The following SBK1 variants were observed in gnomAD, a reference collection of about 807,000 sequenced individuals.
SBK1 encodes SH3 domain binding kinase 1.
Under a neutral mutation model 24.4 loss-of-function variants are expected in SBK1, and 11 were observed. The observed-to-expected ratio is 0.45, with a 90% CI of 0.28 to 0.75. The LOEUF is 0.75. Ranked by LOEUF, SBK1 falls within the 30% of genes least tolerant of loss-of-function variation. The pLI, the probability that SBK1 is intolerant of heterozygous loss-of-function variation, is 0.12. For synonymous variants in SBK1, 308 were observed against 284.4 expected, an observed-to-expected ratio of 1.08 and a Z score of -0.83; for missense variants, 467 against 620.5, an observed-to-expected ratio of 0.75 and a Z score of 2.63.
intron 1 of SBK1, among the ~76,000 whole-genome samples, chr16:28,261,629 CAA>C (rs2044398535): frequency 1.3e-5 from 2 of 151,892 alleles, no homozygotes; most frequent in South Asian, 4.2e-4. Flanking sequence ...GACCCTGTCT[CAA>C]AAAAGAGAAA....
intron 1 of SBK1, among the ~76,000 whole-genome samples, chr16:28,277,179 C>G (rs1052149892): frequency 1.1e-4 from 16 of 151,950 alleles, no homozygotes; most frequent in Non-Finnish European, 1.8e-4. Context: ...TGAGAGGCTG[C>G]TGGAGGCTGC....
intron 1 of SBK1, among the ~76,000 whole-genome samples, chr16:28,276,664 GTATT>G (rs1225763084): frequency 8.2e-5 from 11 of 134,220 alleles, no homozygotes; most frequent in Non-Finnish European, 7.9e-5. Flanking sequence ...ATTTATTTAT[GTATT>G]TATTTATTTA....
chr16:28,262,817 C>T (rs1188456885), intron 1 of SBK1, among the ~76,000 whole-genome samples: 1 of 152,152 alleles, frequency 6.6e-6, no homozygotes, highest in East Asian at 1.9e-4. Context: ...AATAAATAAG[C>T]TTGGCAATCG....
intron 1 of SBK1, among the ~76,000 whole-genome samples, chr16:28,316,165 A>G (rs1317805817): frequency 6.6e-6 from 1 of 152,112 alleles, no homozygotes; most frequent in Non-Finnish European, 1.5e-5. Flanking sequence ...GGCTGTGCTG[A>G]TGTGTGGCCA....
chr16:28,259,995 C>T lies in SBK1; in HGVS notation c.257+493C>T, dbSNP rs115999985. 6.6e-6 allele frequency among the ~76,000 whole-genome samples: 1 copy of T among 152,178 alleles called. No homozygotes were observed. The highest frequency in any genetic ancestry group is 1.5e-5 in the Non-Finnish European group (1 of 68,048). On this transcript the variant is annotated intron_variant, in intron 1 of 3. Transcript: ENST00000671413. The surrounding 1 kb of genome is among the most constrained non-coding windows in gnomAD (Gnocchi z 6.0). ...TCCCTGTCCCACCCTAACCTGAGAG[C>T]CACCTTTCCATCCTGCACTGCAGTG... is the stretch of plus-strand genomic sequence containing the variant.
In SBK1 at chr16:28,320,635, G is replaced by T. The variant is rs926738539; in HGVS notation, c.989G>T (p.Arg330Leu). ...CGCCGCCGGCCCTCGCACCGCGCGC[G>T]CAAGCCCCCCGGGGACCGCCCGCCC... Reference protein sequence around the residue: ...ELRRRPSHRARKPPGDRPPAA... With the variant: ...ELRRRPSHRALKPPGDRPPAA... Residue 330 changes from arginine to leucine, a missense_variant, in exon 4 of 4, where the codon CGC becomes CTC. Physicochemically the swap from Arg to Leu is moderately radical, Grantham distance 102. Coordinates refer to ENST00000341901, the MANE Select transcript of SBK1 (RefSeq NM_001024401.3). This position sits in a 1 kb window ranked among gnomAD's most constrained non-coding sequence, Gnocchi z 8.5. 8.2e-7 allele frequency: 1 copy of T among 1,221,854 alleles called. No individual in the cohort carries two copies. The highest frequency in any genetic ancestry group is 1.0e-6 in the Non-Finnish European group (1 of 978,072). 75.7% of individuals were successfully genotyped at this position (1,221,854 alleles called of 1,614,324 possible).
chr16:28,298,054 T>C (rs1032950898), intron 1 of SBK1, among the ~76,000 whole-genome samples: 1 of 152,050 alleles, frequency 6.6e-6, no homozygotes, highest in South Asian at 2.1e-4. Context: ...TCCTGGAGAC[T>C]TTCTGCCCCA....
chr16:28,300,061 T>G (rs2044668654), intron 1 of SBK1, among the ~76,000 whole-genome samples: 1 of 152,240 alleles, frequency 6.6e-6, no homozygotes, highest in South Asian at 2.1e-4. Context: ...CCTTGAGGAC[T>G]TCTCACTGCC....
chr16:28,281,607 C>T (rs938747824), intron 1 of SBK1, among the ~76,000 whole-genome samples: 2 of 152,156 alleles, frequency 1.3e-5, no homozygotes, highest in South Asian at 2.1e-4. Context: ...CAGGAGCCTG[C>T]GTGGGTTCAA....
rs1292882342 is a variant in SBK1, at chr16:28,323,317, A to C, written c.*2396A>C. ...AATAACACTGTAGACATGAAGACTT[A>C]GAAGACAAAAAAAAAAAAATCACAC... is the stretch of plus-strand genomic sequence containing the variant. On this transcript the variant is annotated 3_prime_UTR_variant, in exon 4 of 4. Transcript: ENST00000341901. 6.6e-6 allele frequency: 1 copy of C among 151,854 alleles called. No individual in the cohort carries two copies. The highest frequency in any genetic ancestry group is 2.4e-5 in the African/African-American group (1 of 40,986). The allele number at this position is 151,854 out of a possible 1,614,324, so 9.4% of individuals were successfully genotyped here.
chr16:28,303,507 C>CTTTTTTTTTTTTTT (rs143613970), intron 1 of SBK1, among the ~76,000 whole-genome samples: 89 of 58,074 alleles, frequency 1.5e-3, no homozygotes, highest in Admixed American at 1.9e-3. Flanking sequence ...CTTTTCTTTT[C>CTTTTTTTTTTTTTT]TTTTTTTTTT....
At chr16:28,276,999 A>G (rs1374244078) in intron 1 of SBK1, among the ~76,000 whole-genome samples, 1 of 152,096 alleles carries the variant, frequency 6.6e-6, no homozygotes, top group Non-Finnish European at 1.5e-5. Context: ...GTACCAGGGC[A>G]AGCGATGAAG....
At chr16:28,308,745 G>A (rs929025849) in intron 1 of SBK1, among the ~76,000 whole-genome samples, 1 of 131,298 alleles carries the variant, frequency 7.6e-6, no homozygotes, top group Non-Finnish European at 1.5e-5. Context: ...TTTGGGGTGT[G>A]TGTGTGTGTG....
At chr16:28,316,368 C>A (rs1212259119) in intron 1 of SBK1, among the ~76,000 whole-genome samples, 1 of 152,184 alleles carries the variant, frequency 6.6e-6, no homozygotes, top group Admixed American at 6.5e-5. Context: ...CCCTTCTCCC[C>A]CTGGGGTGTA....
chr16:28,294,812 T>G (rs2044627296), intron 1 of SBK1, among the ~76,000 whole-genome samples: 1 of 152,210 alleles, frequency 6.6e-6, no homozygotes, highest in Non-Finnish European at 1.5e-5. Flanking sequence ...GGGCACTTGA[T>G]GCGGGCAGAC....
chr16:28,297,275 G>A (rs2044647335), intron 1 of SBK1, among the ~76,000 whole-genome samples: 1 of 152,194 alleles, frequency 6.6e-6, no homozygotes, highest in South Asian at 2.1e-4. Flanking sequence ...AGGTTGCAGT[G>A]AGCCGAGATT....
intron 1 of SBK1, among the ~76,000 whole-genome samples, chr16:28,273,514 A>G (rs543090416): frequency 1.3e-5 from 2 of 152,158 alleles, no homozygotes; most frequent in South Asian, 4.1e-4. Context: ...ATGAGCCACC[A>G]TGCCCGGCCA....
Position 28,320,627 on chromosome 16 carries a change from CCG to C in SBK1, c.989_990del (p.Arg330GlnfsTer119). ...CCGAGCTGCGCCGCCGGCCCTCGCACCGCGCGCGCAAGCCCCCCGGGGACCGC... is the reference window on the plus strand; with the variant it reads ...CCGAGCTGCGCCGCCGGCCCTCGCACCGCGCGCAAGCCCCCCGGGGACCGC... ...TSELRRRPSH[R>X]ARKPPGDRPP... On this transcript the variant is annotated frameshift_variant, in exon 4 of 4. Coordinates refer to ENST00000341901, the MANE Select transcript of SBK1 (RefSeq NM_001024401.3). LOFTEE classifies it high-confidence loss of function. This position sits in a 1 kb window ranked among gnomAD's most constrained non-coding sequence, Gnocchi z 8.5. 7.8e-7 allele frequency: 1 copy of C among 1,285,432 alleles called. No individual in the cohort carries two copies. The highest frequency in any genetic ancestry group is 9.9e-7 in the Non-Finnish European group (1 of 1,015,062). The allele number at this position is 1,285,432 out of a possible 1,614,324, so 79.6% of individuals were successfully genotyped here.
At chr16:28,281,319 CG>C (rs1053761599) in intron 1 of SBK1, among the ~76,000 whole-genome samples, 7 of 152,148 alleles carry the variant, frequency 4.6e-5, no homozygotes, top group African/African-American at 1.7e-4. Flanking sequence ...CTGCCTCCTC[CG>C]GGCCAGCTCA....
Sources: allele counts gnomAD v4.1 joint callset (sites outside exome capture counted in the v4.1 genomes callset), GRCh38; gene constraint gnomAD v4.1.1; non-coding constraint Gnocchi (gnomAD v3.1); transcripts MANE v1.5; gene names NCBI Gene and HGNC (gene_info 2026-07-23, HGNC 2026-07-21).